EIF4E3: variants seen among roughly 807,000 people sequenced by gnomAD.
EIF4E3 encodes eukaryotic translation initiation factor 4E type 3.
EIF4E3 carries 26 observed loss-of-function variants against 31.7 expected under a neutral mutation model. The observed-to-expected ratio is 0.82, with a 90% confidence interval of 0.60 to 1.14. EIF4E3 has a LOEUF of 1.14. EIF4E3 is among the 50% of genes most tolerant of loss of function. The probability of loss-of-function intolerance (pLI) is 0.00; values close to 1 mark genes in which losing one functional copy is unlikely to be tolerated. For missense variants in EIF4E3, 304 were observed against 270.9 expected (o/e 1.12, Z -0.86); for synonymous variants, 128 against 107.7 (o/e 1.19, Z -1.17).
chr3:71,689,709 A>AT (rs1262976725), intron 6 of EIF4E3, among the ~76,000 whole-genome samples: 1 of 151,844 alleles, frequency 6.6e-6, no homozygotes, highest in Non-Finnish European at 1.5e-5. Context: ...ATAGAATGTA[A>AT]TTTTTTTTCT....
chr3:71,722,608 CCATA>C (rs1415791838), intron 1 of EIF4E3, among the ~76,000 whole-genome samples: 2 of 152,218 alleles, frequency 1.3e-5, no homozygotes, highest in Non-Finnish European at 2.9e-5. Context: ...AAATCCTTAA[CCATA>C]CAGTCTAATT....
the EIF4E3 span, among the ~76,000 whole-genome samples, chr3:71,660,625 T>C: frequency 2.6e-5 from 4 of 152,162 alleles, no homozygotes; most frequent in Non-Finnish European, 5.9e-5. Context: ...GGCCCACCGC[T>C]AAATACAAAC....
At chr3:71,663,989 G>A in the EIF4E3 span, among the ~76,000 whole-genome samples, 2 of 152,180 alleles carry the variant, frequency 1.3e-5, no homozygotes, top group Non-Finnish European at 2.9e-5. Context: ...GGGAGAAGGA[G>A]AGTGCTACAG....
chr3:71,752,109 TA>T (rs1332855748), intron 1 of EIF4E3, among the ~76,000 whole-genome samples: 1 of 152,082 alleles, frequency 6.6e-6, no homozygotes, highest in African/African-American at 2.4e-5. Flanking sequence ...CTTAGATTTT[TA>T]AAAAAATATC....
At chr3:71,693,998 A>G in intron 4 of EIF4E3, 57 bp from the exon 5 acceptor site, 2 of 1,469,724 alleles carry the variant, frequency 1.4e-6, no homozygotes, top group Non-Finnish European at 1.8e-6. Flanking sequence ...TTTTTAGACA[A>G]TTATCCTCAG....
At chr3:71,665,816 C>T in the EIF4E3 span, among the ~76,000 whole-genome samples, 4 of 152,192 alleles carry the variant, frequency 2.6e-5, no homozygotes, top group Admixed American at 1.3e-4. Flanking sequence ...CACACAACTA[C>T]ATGGAAACGG....
chr3:71,669,795 G>A, the EIF4E3 span, among the ~76,000 whole-genome samples: 14 of 151,998 alleles, frequency 9.2e-5, no homozygotes, highest in East Asian at 1.7e-3. Flanking sequence ...AGATTATTTA[G>A]CAGAACAAAA....
At chr3:71,671,437 G>A (rs999481290), downstream of EIF4E3, among the ~76,000 whole-genome samples, 3 of 152,150 alleles carry the variant, frequency 2.0e-5, no homozygotes, top group Non-Finnish European at 4.4e-5. Context: ...CAGGGGGAGG[G>A]CTAACTCTCG....
intron 1 of EIF4E3, among the ~76,000 whole-genome samples, chr3:71,720,702 G>A (rs888945441): frequency 1.3e-5 from 2 of 152,170 alleles, no homozygotes; most frequent in African/African-American, 4.8e-5. Context: ...GGTAAGATAA[G>A]GCGTATGTTT....
chr3:71,746,627 C>A (rs1417445686), intron 1 of EIF4E3, among the ~76,000 whole-genome samples: 1 of 152,168 alleles, frequency 6.6e-6, no homozygotes, highest in East Asian at 1.9e-4. Flanking sequence ...AATAAAGACA[C>A]CTCCATAGGC....
rs6784290 is a variant in EIF4E3 at position 71,733,095 on chromosome 3, A to G, written c.-290-4472T>C. ...TTGTATGCTCGTTGGGGATCTAGAG[A>G]CAGGTGGAGTGAACAACTGTCCCAA... On this transcript the variant is annotated intron_variant, in intron 1 of 7. Transcript: ENST00000295612. Among the ~76,000 whole-genome samples, 1,384 of 152,266 alleles carry G rather than the reference A, an allele frequency of 9.1e-3. 18 individuals carry two copies. The highest frequency in any genetic ancestry group is 0.032 in the African/African-American group (1,325 of 41,542).
chr3:71,726,332 C>T (rs1187875092), upstream of EIF4E3, among the ~76,000 whole-genome samples: 1 of 152,218 alleles, frequency 6.6e-6, no homozygotes, highest in African/African-American at 2.4e-5. Flanking sequence ...TACCTCTGAG[C>T]ACCCAGGAAG....
At chr3:71,690,422 A>G (rs1281227266) in intron 5 of EIF4E3, among the ~76,000 whole-genome samples, 1 of 152,210 alleles carries the variant, frequency 6.6e-6, no homozygotes, top group African/African-American at 2.4e-5. Flanking sequence ...CATTTTCCAG[A>G]TAAGTAATTT....
At chr3:71,662,840 C>T in the EIF4E3 span, among the ~76,000 whole-genome samples, 3 of 152,008 alleles carry the variant, frequency 2.0e-5, no homozygotes, top group African/African-American at 4.8e-5. Flanking sequence ...GGGAAATACT[C>T]CAATAAGAGA....
In EIF4E3 at chr3:71,675,645, T is replaced by C. The variant is rs2048869610; in HGVS notation, c.*9037A>G. 1 of 152,222 alleles carries C rather than the reference T, an allele frequency of 6.6e-6. No individual in the cohort carries two copies. Among genetic ancestry groups the C allele is most frequent in the Non-Finnish European group, 1.5e-5 (1 of 68,034 alleles). The allele number at this position is 152,222 out of a possible 1,614,324, so 9.4% of individuals were successfully genotyped here. ...TAGCTGCAACTTTGCCACCAACTAC[T>C]TGTGTGACCTTGAACGAATTCTTTA... On this transcript the variant is annotated 3_prime_UTR_variant, in exon 7 of 7. Coordinates refer to ENST00000425534, the MANE Select transcript of EIF4E3 (RefSeq NM_001134651.2).
At chr3:71,663,991 G>C in the EIF4E3 span, among the ~76,000 whole-genome samples, 2 of 152,186 alleles carry the variant, frequency 1.3e-5, no homozygotes. Flanking sequence ...GAGAAGGAGA[G>C]TGCTACAGCA....
chr3:71,720,913 C>G (rs773717088), intron 1 of EIF4E3, among the ~76,000 whole-genome samples: 11 of 152,092 alleles, frequency 7.2e-5, no homozygotes, highest in Admixed American at 4.6e-4. Flanking sequence ...AAATATAGAA[C>G]TGGATGGAGG....
rs192593464 is a variant in EIF4E3 at position 71,710,076 on chromosome 3, C to T, written c.249+336G>A. On this transcript the variant is annotated intron_variant, in intron 2 of 6. Transcript: ENST00000425534. ...GAACAGAGGCACAGAGAGGCACTGG[C>T]AGAGCTGGAGTTTGAACAGGAACAC... is the stretch of plus-strand genomic sequence containing the variant. Among the ~76,000 whole-genome samples, 18 of 152,250 alleles carry T rather than the reference C, an allele frequency of 1.2e-4. No individual in the cohort carries two copies. In the East Asian group the frequency reaches 3.5e-3, roughly 29 times the overall value.
chr3:71,753,899 C>T, upstream of EIF4E3: 3 of 926,926 alleles, frequency 3.2e-6, no homozygotes, highest in Non-Finnish European at 3.9e-6. Flanking sequence ...TCGGGGAGCC[C>T]AGGAGGGGCC....
Sources: allele counts gnomAD v4.1 joint callset (sites outside exome capture counted in the v4.1 genomes callset), GRCh38; gene constraint gnomAD v4.1.1; transcripts MANE v1.5; gene names NCBI Gene and HGNC (gene_info 2026-07-23, HGNC 2026-07-21).